Variants in CSMD1 observed in about 807,000 individuals in gnomAD.
CSMD1 encodes CUB and sushi domain-containing protein 1.
In CSMD1, 213 loss-of-function variants were observed where a neutral mutation model predicts 417.5. That is an observed-to-expected ratio of 0.51 (90% CI 0.46 to 0.57). The LOEUF is 0.57. Among genes scored for constraint, CSMD1 ranks in the 20% least tolerant of loss-of-function variants. CSMD1 has a pLI of 0.00. For missense variants in CSMD1, 6,923 were observed against 4,529.7 expected (o/e 1.53, Z -15.17); for synonymous variants, 2,862 against 1,736.8 (o/e 1.65, Z -16.11).
At chr8:3,538,707 T>G (rs890691008) in intron 10 of CSMD1, among the ~76,000 whole-genome samples, 2 of 152,220 alleles carry the variant, frequency 1.3e-5, no homozygotes, top group African/African-American at 4.8e-5. Flanking sequence ...CATCTTTGAT[T>G]GCCCCTTTTC....
intron 1 of CSMD1, among the ~76,000 whole-genome samples, chr8:4,650,453 C>A (rs1341138243): frequency 1.3e-5 from 2 of 151,896 alleles, no homozygotes; most frequent in Non-Finnish European, 2.9e-5. Flanking sequence ...ATTTGTATGG[C>A]CTTTCAACTT....
At chr8:4,798,967 G>A (rs1798131349) in intron 1 of CSMD1, among the ~76,000 whole-genome samples, 1 of 152,140 alleles carries the variant, frequency 6.6e-6, no homozygotes, top group South Asian at 2.1e-4. Flanking sequence ...CACTCTCCAT[G>A]CTTCTGCACG....
intron 2 of CSMD1, among the ~76,000 whole-genome samples, chr8:4,544,741 T>G (rs902239184): frequency 6.6e-6 from 1 of 152,178 alleles, no homozygotes; most frequent in African/African-American, 2.4e-5. Context: ...AATGTTACAG[T>G]GTCAGAGCAA....
intron 50 of CSMD1, among the ~76,000 whole-genome samples, chr8:3,040,336 T>C (rs1013959169): frequency 6.7e-6 from 1 of 149,578 alleles, no homozygotes; most frequent in Non-Finnish European, 1.5e-5. Flanking sequence ...GGATTTTAAC[T>C]CTTATTGAGT....
At chr8:4,719,224 T>C (rs549103520) in intron 1 of CSMD1, among the ~76,000 whole-genome samples, 12 of 152,176 alleles carry the variant, frequency 7.9e-5, no homozygotes, top group Middle Eastern at 3.2e-3. Flanking sequence ...ATGGCACACA[T>C]TGTCATGTTT....
In CSMD1 at chr8:4,076,473, GTGA is replaced by G. The variant is rs561886119; in HGVS notation, c.416-44377_416-44375del. On this transcript the variant is annotated intron_variant, in intron 3 of 69. Coordinates refer to ENST00000635120, the MANE Select transcript of CSMD1 (RefSeq NM_033225.6). ...ATTTTAACTGTAATAGTGACAGCAG[GTGA>G]TGTTTTTGAATTCATTACTAGAAAT... Among the ~76,000 whole-genome samples the G allele has an allele frequency of 1.3e-4, 20 of 152,244 alleles. No homozygotes were observed. The South Asian group carries it at 3.3e-3, about 25-fold the overall frequency.
intron 7 of CSMD1, among the ~76,000 whole-genome samples, chr8:3,644,557 G>T (rs922327972): frequency 6.6e-6 from 1 of 152,152 alleles, no homozygotes; most frequent in African/African-American, 2.4e-5. Context: ...AAAATGGAAA[G>T]GTAGGAGATT....
At chr8:4,502,698 G>T (rs1802319011) in intron 2 of CSMD1, among the ~76,000 whole-genome samples, 1 of 152,020 alleles carries the variant, frequency 6.6e-6, no homozygotes, top group Admixed American at 6.6e-5. Flanking sequence ...TTTGACTTTA[G>T]TTTCAGCCTC....
At chr8:4,638,636 T>A (rs1802994117) in intron 1 of CSMD1, among the ~76,000 whole-genome samples, 1 of 152,072 alleles carries the variant, frequency 6.6e-6, no homozygotes, top group African/African-American at 2.4e-5. Flanking sequence ...CAAAGAGCAG[T>A]AAGTAAGCAG....
intron 8 of CSMD1, among the ~76,000 whole-genome samples, chr8:3,591,989 A>C (rs2117029969): frequency 6.6e-6 from 1 of 152,280 alleles, no homozygotes; most frequent in South Asian, 2.1e-4. Flanking sequence ...ATTGATAGAT[A>C]AAAGACGGAT....
chr8:3,503,061 TAATA>T (rs1796674691), intron 10 of CSMD1, among the ~76,000 whole-genome samples: 1 of 152,144 alleles, frequency 6.6e-6, no homozygotes, highest in Admixed American at 6.5e-5. Flanking sequence ...AAATAAAACC[TAATA>T]AATTAACAAA....
rs1367199278 is a variant in CSMD1 at position 4,190,514 on chromosome 8, C to A, written c.416-158415G>T. On this transcript the variant is annotated intron_variant, in intron 3 of 69. Transcript: ENST00000635120. ...AAGTAAAATAATACAATCAGGAATA[C>A]AAATTAAAATTTTACATACACATAT... Among the ~76,000 whole-genome samples the A allele has an allele frequency of 2.0e-5, 3 of 147,732 alleles. No individual in the cohort carries two copies. The Admixed American group carries it at 2.1e-4, about 10-fold the overall frequency.
At chr8:3,301,229 G>A (rs1804378543) in intron 25 of CSMD1, among the ~76,000 whole-genome samples, 1 of 152,064 alleles carries the variant, frequency 6.6e-6, no homozygotes, top group Non-Finnish European at 1.5e-5. Flanking sequence ...GGTAGGAGCA[G>A]TGGGTGCAAG....
At chr8:3,238,420 T>C (rs928940839) in intron 26 of CSMD1, among the ~76,000 whole-genome samples, 8 of 152,080 alleles carry the variant, frequency 5.3e-5, no homozygotes, top group Admixed American at 2.6e-4. Context: ...TGTTTTCTTA[T>C]ATTAATAAGA....
chr8:3,328,688 G>C (rs372443283), intron 23 of CSMD1, among the ~76,000 whole-genome samples: 4 of 152,080 alleles, frequency 2.6e-5, no homozygotes, highest in Non-Finnish European at 5.9e-5. Flanking sequence ...CACAAAATAC[G>C]TTGGCAGAGG....
chr8:4,280,704 G>A (rs556167773), intron 3 of CSMD1, among the ~76,000 whole-genome samples: 2 of 152,228 alleles, frequency 1.3e-5, no homozygotes, highest in South Asian at 2.1e-4. Context: ...CAGCTCTATA[G>A]CAATACCGTG....
chr8:3,986,359 G>A (rs1814319996), intron 5 of CSMD1, among the ~76,000 whole-genome samples: 1 of 152,056 alleles, frequency 6.6e-6, no homozygotes, highest in South Asian at 2.1e-4. Context: ...CCTGAGCACT[G>A]AGACACCCCC....
chr8:4,750,237 G>A (rs1412196338), intron 1 of CSMD1, among the ~76,000 whole-genome samples: 7 of 149,514 alleles, frequency 4.7e-5, no homozygotes, highest in South Asian at 2.1e-4. Flanking sequence ...TCGATCTCCC[G>A]ACATTGTGAT....
At chr8:3,414,796 CTGCTGTAAATA>C (rs1451114603) in intron 12 of CSMD1, among the ~76,000 whole-genome samples, 1 of 152,154 alleles carries the variant, frequency 6.6e-6, no homozygotes, top group Non-Finnish European at 1.5e-5. Context: ...GCCTTCACAC[CTGCTGTAAATA>C]TTTAGTCCAT....
Sources: allele counts gnomAD v4.1 joint callset (sites outside exome capture counted in the v4.1 genomes callset), GRCh38; gene constraint gnomAD v4.1.1; transcripts MANE v1.5; gene names NCBI Gene and HGNC (gene_info 2026-07-23, HGNC 2026-07-21).